The following FBN2 variants were observed in gnomAD, a reference collection of about 807,000 sequenced individuals.
FBN2 encodes the protein fibrillin 2, also known as fibrillin-2.
FBN2 carries 105 observed loss-of-function variants against 355.6 expected under a neutral mutation model. The ratio of observed to expected loss-of-function variants is 0.30; its 90% CI spans 0.25 to 0.35. FBN2 has a LOEUF of 0.35. FBN2 is among the 10% of genes least tolerant of loss of function. FBN2 has a pLI of 1.00. For missense variants in FBN2, 3,280 were observed against 3,758.7 expected (o/e 0.87, Z 3.33); for synonymous variants, 1,350 against 1,301.2 (o/e 1.04, Z -0.81).
intron 34 of FBN2, among the ~76,000 whole-genome samples, chr5:128,323,464 T>C: frequency 6.6e-6 from 1 of 152,196 alleles, no homozygotes. Context: ...GTTTTTAGCA[T>C]GAAGGGGTGT....
chr5:128,284,919 C>A (rs1749101787), intron 55 of FBN2, among the ~76,000 whole-genome samples: 1 of 152,204 alleles, frequency 6.6e-6, no homozygotes, highest in Non-Finnish European at 1.5e-5. Flanking sequence ...TGTCCCTGAT[C>A]TTCTAATCAA....
intron 7 of FBN2, among the ~76,000 whole-genome samples, chr5:128,429,592 GA>G (rs1158991011): frequency 6.6e-6 from 1 of 151,946 alleles, no homozygotes; most frequent in South Asian, 2.1e-4. Flanking sequence ...ATACTTTGTG[GA>G]AAAAAACATC....
chr5:128,394,367 A>G (rs1752593795), intron 9 of FBN2, among the ~76,000 whole-genome samples: 1 of 152,198 alleles, frequency 6.6e-6, no homozygotes, highest in South Asian at 2.1e-4. Context: ...TTTATATGGC[A>G]GTTACCACAG....
chr5:128,439,848 G>A (rs1753869683), intron 7 of FBN2, among the ~76,000 whole-genome samples: 1 of 151,816 alleles, frequency 6.6e-6, no homozygotes. Context: ...ATTATTTTTA[G>A]TATCACTTTC....
At chr5:128,297,351 G>C (rs1749552688) in intron 48 of FBN2, among the ~76,000 whole-genome samples, 1 of 152,176 alleles carries the variant, frequency 6.6e-6, no homozygotes, top group African/African-American at 2.4e-5. Flanking sequence ...TGTCTATTAG[G>C]TCCGCTTGGT....
intron 52 of FBN2, among the ~76,000 whole-genome samples, 194 bp downstream of exon 52, chr5:128,288,933 T>G (rs145514422): frequency 2.8e-4 from 43 of 152,244 alleles, no homozygotes; most frequent in African/African-American, 9.9e-4. Context: ...AAGACAGAGG[T>G]TGTTAACTCT....
chr5:128,359,839 C>G lies in FBN2; in HGVS notation c.2554+1884G>C, dbSNP rs184500402. 2.0e-5 allele frequency among the ~76,000 whole-genome samples: 3 copies of G among 148,496 alleles called. No individual in the cohort carries two copies. In the East Asian group the frequency reaches 6.1e-4, roughly 30 times the overall value. On this transcript the variant is annotated intron_variant, in intron 19 of 64. Transcript: ENST00000262464. ...GTAAGCAGGTGAGTCTCTGATTTTA[C>G]CTTCTTTGGTATTTCAACTCTCAGA...
At chr5:128,313,099 G>T (rs1285028051) in intron 36 of FBN2, among the ~76,000 whole-genome samples, 3 of 152,070 alleles carry the variant, frequency 2.0e-5, no homozygotes, top group Admixed American at 1.3e-4. Context: ...CCAATAATAG[G>T]AATACAATAC....
chr5:128,452,304 T>G (rs756291550), intron 6 of FBN2, among the ~76,000 whole-genome samples: 18 of 152,192 alleles, frequency 1.2e-4, no homozygotes, highest in Non-Finnish European at 1.8e-4. Context: ...TCTTTAAATT[T>G]TGAATTATTC....
chr5:128,385,547 A>AT (rs1752346007), intron 11 of FBN2, among the ~76,000 whole-genome samples: 1 of 152,138 alleles, frequency 6.6e-6, no homozygotes, highest in Admixed American at 6.6e-5. Flanking sequence ...ACGGTAGAAC[A>AT]TTTTATATTC....
At chr5:128,514,528 C>G (rs553114728) in intron 5 of FBN2, among the ~76,000 whole-genome samples, 9 of 152,052 alleles carry the variant, frequency 5.9e-5, no homozygotes, top group African/African-American at 2.2e-4. Context: ...AAGTACTTAG[C>G]CTAATACTGT....
intron 34 of FBN2, among the ~76,000 whole-genome samples, chr5:128,323,768 T>C (rs2126880200): frequency 6.6e-6 from 1 of 152,334 alleles, no homozygotes; most frequent in African/African-American, 2.4e-5. Flanking sequence ...TTGTTGTGTC[T>C]CTTCCAAGTT....
intron 36 of FBN2, among the ~76,000 whole-genome samples, chr5:128,314,040 T>G (rs1262155123): frequency 6.6e-6 from 1 of 152,032 alleles, no homozygotes; most frequent in Non-Finnish European, 1.5e-5. Flanking sequence ...AACTATGGTC[T>G]ACTTTACCTT....
intron 11 of FBN2, among the ~76,000 whole-genome samples, chr5:128,379,241 C>T (rs990789980): frequency 1.3e-5 from 2 of 152,112 alleles, no homozygotes; most frequent in Non-Finnish European, 2.9e-5. Context: ...AATAACCTCT[C>T]TAAGGCTTAG....
At chr5:128,470,945 C>T (rs942917084) in intron 5 of FBN2, among the ~76,000 whole-genome samples, 1 of 151,856 alleles carries the variant, frequency 6.6e-6, no homozygotes, top group African/African-American at 2.4e-5. Context: ...GCTGTAACTG[C>T]AAGTCAGATA....
rs541529779 is a variant in FBN2, at chr5:128,374,950, T to C, written c.1973-200A>G. 5.9e-5 allele frequency among the ~76,000 whole-genome samples: 9 copies of C among 152,294 alleles called. No homozygotes were observed. In the South Asian group the frequency reaches 1.7e-3, roughly 28 times the overall value. ...TTTCAGAATGCTTTACTTTACCTACTGAGGAAAAAAAAGCCTCACAATCTT... is the reference window on the plus strand; with the variant it reads ...TTTCAGAATGCTTTACTTTACCTACCGAGGAAAAAAAAGCCTCACAATCTT... On this transcript the variant is annotated intron_variant, in intron 14 of 64. Coordinates refer to ENST00000262464, the MANE Select transcript of FBN2 (RefSeq NM_001999.4).
intron 35 of FBN2, 43 bp downstream of exon 35, chr5:128,318,836 T>C (rs747184092): frequency 5.6e-6 from 9 of 1,599,592 alleles, no homozygotes; most frequent in Non-Finnish European, 7.7e-6. Flanking sequence ...AGAATACTCA[T>C]TTCAATGAAT....
intron 2 of FBN2, among the ~76,000 whole-genome samples, chr5:128,532,434 C>T (rs1322459095): frequency 2.6e-5 from 4 of 152,266 alleles, no homozygotes; most frequent in East Asian, 1.9e-4. Context: ...GGAAGTCTCT[C>T]CCATGTTTAG....
chr5:128,384,698 T>C (rs997498658), intron 11 of FBN2, among the ~76,000 whole-genome samples: 1 of 152,114 alleles, frequency 6.6e-6, no homozygotes, highest in East Asian at 1.9e-4. Context: ...ACAGGGTACA[T>C]GGGCTGGGAA....
Sources: gnomAD v4.1 joint callset for allele counts (sites outside exome capture counted in the v4.1 genomes callset) on GRCh38, gnomAD v4.1.1 for gene constraint, MANE v1.5 for transcripts, NCBI Gene and HGNC (gene_info 2026-07-23, HGNC 2026-07-21) for gene names.